The following ROBO1 variants were observed in gnomAD, a reference collection of about 807,000 sequenced individuals.
ROBO1 encodes roundabout guidance receptor 1.
Under a neutral mutation model 195.9 loss-of-function variants are expected in ROBO1, and 149 were observed. The ratio of observed to expected loss-of-function variants is 0.76; its 90% CI spans 0.67 to 0.87. ROBO1 has a LOEUF of 0.87. Ranked by LOEUF, ROBO1 falls within the 40% of genes least tolerant of loss-of-function variation. The pLI is 0.00. For missense variants in ROBO1, 1,933 were observed against 2,068.3 expected (o/e 0.93, Z 1.27); for synonymous variants, 816 against 733.2 (o/e 1.11, Z -1.82).
chr3:79,102,030 T>C (rs2079685523), intron 3 of ROBO1, among the ~76,000 whole-genome samples: 1 of 151,836 alleles, frequency 6.6e-6, no homozygotes, highest in Non-Finnish European at 1.5e-5. Flanking sequence ...TTCCACACCA[T>C]TATTCTTTTT....
Position 79,589,043 on chromosome 3 carries a change from G to T in ROBO1, c.88+781C>A, listed in dbSNP as rs1373802027. Among the ~76,000 whole-genome samples, 3 of 151,570 alleles carry T rather than the reference G, an allele frequency of 2.0e-5. 1 individual carries two copies. In the East Asian group the frequency reaches 5.8e-4, roughly 29 times the overall value. ...AATACAGACAAAGTTTCATAGTATGGTCTAACAAAACATGGTATGTTATTC... is the reference window on the plus strand; with the variant it reads ...AATACAGACAAAGTTTCATAGTATGTTCTAACAAAACATGGTATGTTATTC... On this transcript the variant is annotated intron_variant, in intron 2 of 30. Coordinates refer to ENST00000464233, the MANE Select transcript of ROBO1 (RefSeq NM_002941.4).
chr3:78,737,502 C>T lies in ROBO1; in HGVS notation c.657+9241G>A, dbSNP rs570244666. ...GCATTTTCTCGCTGAATTCCCTCAA[C>T]GACACACTGAACTAATCTAGGTATG... is the stretch of plus-strand genomic sequence containing the variant. On this transcript the variant is annotated intron_variant, in intron 5 of 30. Coordinates refer to ENST00000464233, the MANE Select transcript of ROBO1 (RefSeq NM_002941.4). 6.6e-5 allele frequency among the ~76,000 whole-genome samples: 10 copies of T among 152,226 alleles called. No individual in the cohort carries two copies. In the South Asian group the frequency reaches 2.1e-3, roughly 32 times the overall value.
intron 23 of ROBO1, among the ~76,000 whole-genome samples, chr3:78,635,213 T>C (rs189095871): frequency 4.7e-4 from 71 of 152,310 alleles, no homozygotes; most frequent in African/African-American, 1.7e-3. Flanking sequence ...TTAGGTTCTA[T>C]ACGGACAGAC....
At chr3:78,711,389 TCC>T (rs1491402696) in intron 8 of ROBO1, among the ~76,000 whole-genome samples, 167 of 48,556 alleles carry the variant, frequency 3.4e-3, no homozygotes, top group Middle Eastern at 9.4e-3. Context: ...CTTCCTTCCT[TCC>T]TTCCTTCCTT....
chr3:79,638,661 G>A (rs1945567862), intron 1 of ROBO1, among the ~76,000 whole-genome samples: 1 of 152,188 alleles, frequency 6.6e-6, no homozygotes, highest in South Asian at 2.1e-4. Flanking sequence ...CCAAGGAAGA[G>A]TAAAAGAAGA....
chr3:78,724,719 T>C (rs1165679740), intron 5 of ROBO1, among the ~76,000 whole-genome samples: 1 of 151,868 alleles, frequency 6.6e-6, no homozygotes, highest in Non-Finnish European at 1.5e-5. Flanking sequence ...ACATCTTATG[T>C]TGAGTCATAT....
chr3:78,837,859 G>A (rs1021788226), intron 4 of ROBO1, among the ~76,000 whole-genome samples: 1 of 152,100 alleles, frequency 6.6e-6, no homozygotes, highest in Non-Finnish European at 1.5e-5. Context: ...TCAAATACAA[G>A]ATGAATAGAT....
intron 1 of ROBO1, among the ~76,000 whole-genome samples, chr3:79,688,722 G>A (rs978871215): frequency 6.6e-5 from 10 of 151,456 alleles, no homozygotes; most frequent in Admixed American, 2.6e-4. Flanking sequence ...CAAAACTATC[G>A]CCTGTTTTGT....
chr3:79,105,796 G>A (rs2079767440), intron 3 of ROBO1, among the ~76,000 whole-genome samples: 1 of 151,752 alleles, frequency 6.6e-6, no homozygotes, highest in African/African-American at 2.4e-5. Context: ...CAGCCTGAAA[G>A]ATGTGTTAAC....
At chr3:79,038,197 T>C (rs945991539) in intron 3 of ROBO1, among the ~76,000 whole-genome samples, 14 of 152,154 alleles carry the variant, frequency 9.2e-5, no homozygotes, top group Middle Eastern at 3.2e-3. Flanking sequence ...TCTGTTATAG[T>C]GATTTGTGGT....
chr3:79,731,743 G>A (rs1703156592), intron 1 of ROBO1, among the ~76,000 whole-genome samples: 1 of 152,106 alleles, frequency 6.6e-6, no homozygotes, highest in African/African-American at 2.4e-5. Context: ...ATACCCAAAT[G>A]TTATAGGAAT....
At chr3:79,216,767 A>C (rs1253415919) in intron 2 of ROBO1, among the ~76,000 whole-genome samples, 1 of 152,068 alleles carries the variant, frequency 6.6e-6, no homozygotes, top group Non-Finnish European at 1.5e-5. Context: ...TAATTTTAAA[A>C]CAACTGCCCA....
intron 2 of ROBO1, among the ~76,000 whole-genome samples, chr3:79,381,355 CAAAAAAAAA>C (rs61680946): frequency 1.6e-5 from 1 of 60,714 alleles, no homozygotes; most frequent in African/African-American, 6.8e-5. Context: ...AACTCCGTCT[CAAAAAAAAA>C]AAAAAAAAAA....
rs542123090 is a variant in ROBO1, at chr3:79,575,368, A to C, written c.88+14456T>G. On this transcript the variant is annotated intron_variant, in intron 2 of 30. Transcript: ENST00000464233. ...CAATATATATAAATATGTATATAAC[A>C]AATATATATAAATATAGATAACAAA... Among the ~76,000 whole-genome samples the C allele has an allele frequency of 3.9e-4, 50 of 129,158 alleles. No individual in the cohort carries two copies. In the East Asian group the frequency reaches 8.8e-3, roughly 23 times the overall value. 84.7% of individuals were successfully genotyped at this position (129,158 alleles called of 152,430 possible).
chr3:79,125,959 G>A (rs1166108779), intron 2 of ROBO1, among the ~76,000 whole-genome samples: 2 of 151,968 alleles, frequency 1.3e-5, no homozygotes, highest in East Asian at 2.0e-4. Flanking sequence ...CCCCATCATC[G>A]CTTCATCTCC....
At chr3:79,479,086 G>A (rs1191954284) in intron 2 of ROBO1, among the ~76,000 whole-genome samples, 1 of 152,114 alleles carries the variant, frequency 6.6e-6, no homozygotes, top group African/African-American at 2.4e-5. Flanking sequence ...TTTTAGCATA[G>A]GCTCTAAGCA....
At chr3:79,542,726 T>G (rs1156594804) in intron 2 of ROBO1, among the ~76,000 whole-genome samples, 1 of 152,092 alleles carries the variant, frequency 6.6e-6, no homozygotes, top group Non-Finnish European at 1.5e-5. Flanking sequence ...GAGTCTGTAA[T>G]CACTCAGCTA....
At chr3:78,699,596 A>T (rs1575964929) in intron 8 of ROBO1, among the ~76,000 whole-genome samples, 1 of 150,268 alleles carries the variant, frequency 6.7e-6, no homozygotes, top group East Asian at 2.0e-4. Context: ...AATAATATTA[A>T]TAATAATAAT....
chr3:79,302,019 C>T lies in ROBO1; in HGVS notation c.89-176480G>A, dbSNP rs190273683. Among the ~76,000 whole-genome samples, 9 of 152,240 alleles carry T rather than the reference C, an allele frequency of 5.9e-5. No individual in the cohort carries two copies. The East Asian group carries it at 1.5e-3, about 26-fold the overall frequency. On this transcript the variant is annotated intron_variant, in intron 2 of 30. Transcript: ENST00000464233. ...TTTGTATAAGCTACATTCCACAAGA[C>T]TCCAATCAGAAGATAAGTAAAACGG... is the stretch of plus-strand genomic sequence containing the variant.
Sources: gnomAD v4.1 joint callset for allele counts (sites outside exome capture counted in the v4.1 genomes callset) on GRCh38, gnomAD v4.1.1 for gene constraint, MANE v1.5 for transcripts, NCBI Gene and HGNC (gene_info 2026-07-23, HGNC 2026-07-21) for gene names.